Variants in ZNF350 observed in about 807,000 individuals in gnomAD.
The protein encoded by ZNF350 is zinc finger protein 350.
ZNF350 carries 5 observed loss-of-function variants against 13.1 expected under a neutral mutation model. That is an observed-to-expected ratio of 0.38 (90% confidence interval 0.20 to 0.80). ZNF350 has a LOEUF of 0.80. Ranked by LOEUF, ZNF350 falls within the 30% of genes least tolerant of loss-of-function variation. ZNF350 has a pLI of 0.43. For synonymous variants in ZNF350, 199 were observed against 224.2 expected, an observed-to-expected ratio of 0.89 and a Z score of 1.00; for missense variants, 534 against 644.2, an observed-to-expected ratio of 0.83 and a Z score of 1.85.
At chr19:51,983,073 T>TA (rs1196427949) in intron 1 of ZNF350, among the ~76,000 whole-genome samples, 1 of 152,250 alleles carries the variant, frequency 6.6e-6, no homozygotes, top group Non-Finnish European at 1.5e-5. Flanking sequence ...GAGATACTGT[T>TA]AATCTGTAAC....
At position 51,974,330 on chromosome 19, in the gene ZNF350, A is replaced by ACCAAAAGTCAGTTACCTGGG; in HGVS notation, c.11_15+15dup. ...TGGAACAAAGGAAAGAATAAAACAA[A>ACCAAAAGTCAGTTACCTGGG]CCAAAAGTCAGTTACCTGGGCCTGG... On this transcript the variant is annotated intron_variant, in intron 2 of 4. Coordinates refer to ENST00000243644, the MANE Select transcript of ZNF350 (RefSeq NM_021632.4). The ACCAAAAGTCAGTTACCTGGG allele has an allele frequency of 6.2e-7, 1 of 1,613,634 alleles. No individual in the cohort carries two copies. Among genetic ancestry groups the ACCAAAAGTCAGTTACCTGGG allele is most frequent in the Non-Finnish European group, 8.5e-7 (1 of 1,179,812 alleles).
At chr19:51,985,327 A>G (rs543244259) in intron 1 of ZNF350, among the ~76,000 whole-genome samples, 1 of 152,328 alleles carries the variant, frequency 6.6e-6, no homozygotes, top group South Asian at 2.1e-4. Flanking sequence ...TGGAAAGTTG[A>G]GCCAATGCAT....
rs1194587046 is a variant in ZNF350, at chr19:51,965,811, G to A, written c.642C>T (p.Ala214=). 1.9e-6 allele frequency: 3 copies of A among 1,613,974 alleles called. No individual in the cohort carries two copies. Among genetic ancestry groups the A allele is most frequent in the Non-Finnish European group, 1.7e-6 (2 of 1,180,024 alleles). ...CAGTTAGCCAAGACTTCTTGATGAA[G>A]GCTTTCCCACATTCACTGCACACAT... ...KHHVCSECGK[A]FIKKSWLTDH... The change falls in exon 5 of 5, where the codon GCC becomes GCT. Residue 214 remains alanine (A), a synonymous_variant. Coordinates refer to ENST00000243644, the MANE Select transcript of ZNF350 (RefSeq NM_021632.4).
Position 51,964,909 on chromosome 19 carries a change from A to G in ZNF350, c.1544T>C (p.Val515Ala). The G allele has an allele frequency of 1.9e-6, 3 of 1,614,160 alleles. No homozygotes were observed. The highest frequency in any genetic ancestry group is 2.2e-5 in the South Asian group (2 of 91,084). Residue 515 changes from valine (V) to alanine (A), a missense_variant, in exon 5 of 5, where the codon GTG (valine) becomes GCG (alanine). Transcript: ENST00000243644. ...ATAATTGATCACGGAAGGCACAACC[A>G]CATTCACTGCATTCACAAGGTTTCT... ...QDRNLVNAVN[V>A]VVPSVINYVL...
At chr19:51,977,479 A>G (rs1177679208) in intron 1 of ZNF350, among the ~76,000 whole-genome samples, 1 of 152,250 alleles carries the variant, frequency 6.6e-6, no homozygotes, top group Non-Finnish European at 1.5e-5. Context: ...TACAGAGGAT[A>G]TGCTGTTAGG....
rs2085983884 is a variant in ZNF350 at position 51,979,607 on chromosome 19, C to T, written c.-171-5076G>A. The stretch of plus-strand genomic sequence containing the variant: ...TCTATTAATGTAACTGGTGTGCTAA[C>T]CAATCATTCCCAGTCCAGTCACCCT... On this transcript the variant is annotated intron_variant, in intron 1 of 4. Coordinates refer to ENST00000243644, the MANE Select transcript of ZNF350 (RefSeq NM_021632.4). Among the ~76,000 whole-genome samples, 3 of 152,168 alleles carry T rather than the reference C, an allele frequency of 2.0e-5. 1 individual carries two copies. The South Asian group carries it at 6.2e-4, about 32-fold the overall frequency.
chr19:51,967,861 T>C (rs111833525), intron 4 of ZNF350, among the ~76,000 whole-genome samples: 36 of 152,252 alleles, frequency 2.4e-4, no homozygotes, highest in African/African-American at 8.2e-4. Context: ...GGAAAGATGA[T>C]TCTAGTTCCT....
At position 51,968,666 on chromosome 19, in the gene ZNF350, T is replaced by TTGATACCCAAA; in HGVS notation, c.149_150insTTTGGGTATCA (p.Gln50HisfsTer52). Reference sequence around the variant, plus strand: ...TGAAGAGTGCATCCGGTTTGCTGGCTTGATACCCTGTTCATGGAAAATGAT... The same window carrying TTGATACCCAAA: ...TGAAGAGTGCATCCGGTTTGCTGGCTTGATACCCAAATGATACCCTGTTCATGGAAAATGAT... On this transcript the variant is annotated frameshift_variant, in exon 4 of 5. Transcript: ENST00000243644. LOFTEE classifies it high-confidence loss of function. 6.2e-7 allele frequency: 1 copy of TTGATACCCAAA among 1,614,180 alleles called. No homozygotes were observed. The highest frequency in any genetic ancestry group is 1.7e-5 in the Admixed American group (1 of 60,024).
chr19:51,968,202 G>A (rs1471547101), intron 4 of ZNF350, among the ~76,000 whole-genome samples: 1 of 152,160 alleles, frequency 6.6e-6, no homozygotes, highest in Admixed American at 6.5e-5. Context: ...GGGCACAAAG[G>A]GGTGGGAGTC....
intron 2 of ZNF350, among the ~76,000 whole-genome samples, chr19:51,969,736 G>A (rs535374127): frequency 1.3e-5 from 2 of 152,278 alleles, no homozygotes; most frequent in Non-Finnish European, 2.9e-5. Context: ...GGCTGAGGCA[G>A]GAGGCTCATT....
Position 51,965,762 on chromosome 19 carries a change from C to T in ZNF350, c.691G>A (p.Glu231Lys). The T allele has an allele frequency of 6.2e-7, 1 of 1,613,986 alleles. No homozygotes were observed. Among genetic ancestry groups the T allele is most frequent in the Non-Finnish European group, 8.5e-7 (1 of 1,179,880 alleles). ...CATAGACTACATCTGTGGGGTTTCT[C>T]TCCTGTATGCATTACCTGGTGATCA... Reference protein sequence around the residue: ...LTDHQVMHTGEKPHRCSLCEK... With the variant: ...LTDHQVMHTGKKPHRCSLCEK... Residue 231 changes from glutamate (E) to lysine (K), a missense_variant, in exon 5 of 5, where the codon GAG (glutamate) becomes AAG (lysine). Physicochemically the swap from Glu to Lys is moderately conservative, Grantham distance 56. Transcript: ENST00000243644.
At chr19:51,966,290 G>T (rs56084936) in intron 4 of ZNF350, 76 bp from the exon 5 acceptor site, 21,155 of 1,081,082 alleles carry the variant, frequency 0.02, 561 homozygotes, top group African/African-American at 0.13. Context: ...TGTTTTTTTT[G>T]TTTTTTTTTT....
chr19:51,966,156 T>A lies in ZNF350; in HGVS notation c.297A>T (p.Arg99Ser), dbSNP rs377291366. ...ERLQSESLVN[R>S]RKPCHEHDAF... ...CATCATGTTCATGACATGGTTTCCT[T>A]CTGTTCACCAGGCTTTCACTCTGCA... is the stretch of plus-strand genomic sequence containing the variant. The change falls in exon 5 of 5, where the codon AGA (arginine) becomes AGT (serine). Residue 99 changes from arginine (R) to serine (S), a missense_variant. By Grantham distance (110) the Arg-to-Ser change is moderately radical. Transcript: ENST00000243644. 1.2e-5 allele frequency: 19 copies of A among 1,613,044 alleles called. No homozygotes were observed. The highest frequency in any genetic ancestry group is 1.4e-5 in the Non-Finnish European group (17 of 1,179,694).
chr19:51,966,321 T>TC, intron 4 of ZNF350, 107 bp from the exon 5 acceptor site: 1 of 1,202,926 alleles, frequency 8.3e-7, no homozygotes, highest in Non-Finnish European at 1.1e-6. Flanking sequence ...TTTTACTCCG[T>TC]TGTCCAGGCT....
rs559841354 is a variant in ZNF350 at position 51,986,014 on chromosome 19, TA to T, written c.-172+755del. Among the ~76,000 whole-genome samples the T allele has an allele frequency of 5.7e-4, 86 of 151,272 alleles. No homozygotes were observed. In the South Asian group the frequency reaches 0.018, roughly 32 times the overall value. On this transcript the variant is annotated intron_variant, in intron 1 of 4. Coordinates refer to ENST00000243644, the MANE Select transcript of ZNF350 (RefSeq NM_021632.4). ...AAAAGTGAAACTCCGTCTCAAAAAATAAAAAAAATAAATAAAAAATAAAAGA... is the reference window on the plus strand; with the variant it reads ...AAAAGTGAAACTCCGTCTCAAAAAATAAAAAAATAAATAAAAAATAAAAGA...
intron 2 of ZNF350, among the ~76,000 whole-genome samples, chr19:51,970,096 C>G (rs938124039): frequency 2.7e-5 from 4 of 146,570 alleles, no homozygotes; most frequent in African/African-American, 5.2e-5. Context: ...AGTTTTGCTC[C>G]TCTTTCCCAG....
chr19:51,974,612 C>G (rs2085835418), intron 1 of ZNF350, 81 bp from the exon 2 acceptor site: 4 of 460,328 alleles, frequency 8.7e-6, no homozygotes, highest in Non-Finnish European at 1.6e-5. Flanking sequence ...AGGCACTCAT[C>G]TTAAAGCAAT....
intron 1 of ZNF350, among the ~76,000 whole-genome samples, chr19:51,984,913 CAAAA>C (rs2086132593): frequency 6.6e-6 from 1 of 151,574 alleles, no homozygotes; most frequent in Non-Finnish European, 1.5e-5. Flanking sequence ...AAGGCTGACA[CAAAA>C]AAAGAGTGAT....
chr19:51,966,306 T>TG, intron 4 of ZNF350, 92 bp from the exon 5 acceptor site: 1 of 1,347,306 alleles, frequency 7.4e-7, no homozygotes, highest in Non-Finnish European at 9.9e-7. Context: ...TTTTTTAAGA[T>TG]GGAGTTTTAC....
Sources: gnomAD v4.1 joint callset for allele counts (sites outside exome capture counted in the v4.1 genomes callset) on GRCh38, gnomAD v4.1.1 for gene constraint, MANE v1.5 for transcripts, NCBI Gene and HGNC (gene_info 2026-07-23, HGNC 2026-07-21) for gene names.